Variants in GRIP1 observed in about 807,000 individuals in gnomAD.
GRIP1 encodes the protein glutamate receptor interacting protein 1.
GRIP1 carries 45 observed loss-of-function variants against 129.9 expected under a neutral mutation model. The ratio of observed to expected loss-of-function variants is 0.35; its 90% CI spans 0.27 to 0.44. GRIP1 has a LOEUF of 0.44. GRIP1 is among the 20% of genes least tolerant of loss of function. The pLI is 1.00. For synonymous variants in GRIP1, 530 were observed against 520.8 expected (o/e 1.02, Z -0.24); for missense variants, 1,196 against 1,396.8 (o/e 0.86, Z 2.29).
intron 1 of GRIP1, among the ~76,000 whole-genome samples, chr12:66,790,476 T>C (rs2038495642): frequency 6.6e-6 from 1 of 152,128 alleles, no homozygotes. Flanking sequence ...GTCTACAGTT[T>C]GGTGTGAAAT....
intron 7 of GRIP1, among the ~76,000 whole-genome samples, chr12:66,493,991 T>C (rs894090622): frequency 6.6e-6 from 1 of 152,140 alleles, no homozygotes; most frequent in African/African-American, 2.4e-5. Context: ...TCTGGGTATA[T>C]GTAAAAAAAG....
At chr12:66,673,758 GA>G (rs1033171323) in intron 1 of GRIP1, among the ~76,000 whole-genome samples, 121 of 152,266 alleles carry the variant, frequency 7.9e-4, no homozygotes, top group African/African-American at 2.5e-3. Flanking sequence ...ACTTGCGCGA[GA>G]ACAAGACCTG....
intron 1 of GRIP1, among the ~76,000 whole-genome samples, chr12:66,603,809 CCT>C (rs1366748139): frequency 2.0e-5 from 3 of 152,136 alleles, no homozygotes; most frequent in Non-Finnish European, 4.4e-5. Flanking sequence ...CCATTTTAAA[CCT>C]CTCAACAATC....
At chr12:66,482,043 C>T (rs1194706674) in intron 7 of GRIP1, among the ~76,000 whole-genome samples, 1 of 152,020 alleles carries the variant, frequency 6.6e-6, no homozygotes, top group African/African-American at 2.4e-5. Context: ...CATGTGTATA[C>T]CTATGTAACA....
intron 1 of GRIP1, among the ~76,000 whole-genome samples, chr12:66,980,721 C>T (rs1639103285): frequency 6.6e-6 from 1 of 152,144 alleles, no homozygotes; most frequent in South Asian, 2.1e-4. Flanking sequence ...ACTAACTTGG[C>T]CAAGCATCAG....
intron 1 of GRIP1, among the ~76,000 whole-genome samples, chr12:66,990,334 A>G (rs1477110340): frequency 6.6e-6 from 1 of 152,242 alleles, no homozygotes; most frequent in Non-Finnish European, 1.5e-5. Flanking sequence ...TCATTTATCC[A>G]GTTATTCAAG....
At chr12:66,998,846 C>G (rs1267426331) in intron 1 of GRIP1, among the ~76,000 whole-genome samples, 1 of 152,152 alleles carries the variant, frequency 6.6e-6, no homozygotes, top group African/African-American at 2.4e-5. Context: ...ACATCTTCCT[C>G]TTTACTGAAT....
At chr12:66,736,917 AT>A (rs3051135) in intron 1 of GRIP1, among the ~76,000 whole-genome samples, 57,956 of 140,072 alleles carry the variant, frequency 0.41, 11,101 homozygotes, top group Admixed American at 0.52. Context: ...TTTGCAAGTC[AT>A]TTTTTTTTTT....
intron 1 of GRIP1, among the ~76,000 whole-genome samples, chr12:66,753,912 G>T (rs1405463309): frequency 6.6e-6 from 1 of 152,174 alleles, no homozygotes. Flanking sequence ...AAAAAGAAAA[G>T]ATTTTTCATG....
At chr12:66,525,734 T>A (rs1271012271) in intron 5 of GRIP1, among the ~76,000 whole-genome samples, 1 of 152,064 alleles carries the variant, frequency 6.6e-6, no homozygotes, top group Admixed American at 6.6e-5. Context: ...AAAGAGGAAG[T>A]CAAATTGTCC....
chr12:66,613,804 G>T (rs191730734), intron 1 of GRIP1, among the ~76,000 whole-genome samples: 2 of 152,174 alleles, frequency 1.3e-5, no homozygotes, highest in East Asian at 3.9e-4. Context: ...TTCGACTTAG[G>T]TTTCTTCTGT....
At chr12:66,697,502 C>T (rs1163124618) in intron 1 of GRIP1, among the ~76,000 whole-genome samples, 5 of 152,086 alleles carry the variant, frequency 3.3e-5, no homozygotes, top group Non-Finnish European at 7.4e-5. Flanking sequence ...GCTAGATAAC[C>T]ATAGGGAAAT....
intron 23 of GRIP1, among the ~76,000 whole-genome samples, chr12:66,360,589 G>A (rs759608728): frequency 6.6e-6 from 1 of 152,202 alleles, no homozygotes; most frequent in East Asian, 1.9e-4. Flanking sequence ...TTGTCAGCAT[G>A]TGCTACAATT....
intron 1 of GRIP1, among the ~76,000 whole-genome samples, chr12:66,859,977 T>C (rs2040083020): frequency 6.6e-6 from 1 of 152,048 alleles, no homozygotes; most frequent in Non-Finnish European, 1.5e-5. Context: ...TTTCCAGGCA[T>C]CCTGATGTAG....
At chr12:66,912,546 GGGAAAAACAAA>G (rs2041047455) in intron 1 of GRIP1, among the ~76,000 whole-genome samples, 2 of 152,074 alleles carry the variant, frequency 1.3e-5, no homozygotes, top group Admixed American at 1.3e-4. Flanking sequence ...TACTTTTTAA[GGGAAAAACAAA>G]TATTTTATTA....
intron 1 of GRIP1, among the ~76,000 whole-genome samples, chr12:66,611,410 G>A (rs1461959344): frequency 1.3e-5 from 2 of 152,110 alleles, no homozygotes; most frequent in African/African-American, 2.4e-5. Flanking sequence ...TAAATTTAGT[G>A]GAGAAAGACC....
chr12:66,962,172 G>A (rs1469772098), intron 1 of GRIP1, among the ~76,000 whole-genome samples: 2 of 152,076 alleles, frequency 1.3e-5, no homozygotes, highest in Admixed American at 6.6e-5. Flanking sequence ...CATAGCCCAA[G>A]CTAACAGTTT....
At chr12:66,748,058 G>A (rs1263192491) in intron 1 of GRIP1, among the ~76,000 whole-genome samples, 2 of 151,838 alleles carry the variant, frequency 1.3e-5, no homozygotes, top group African/African-American at 4.8e-5. Flanking sequence ...TTGCTCTGTT[G>A]CCCAGGCTGG....
intron 1 of GRIP1, among the ~76,000 whole-genome samples, chr12:67,059,599 T>C (rs1433521254): frequency 6.6e-6 from 1 of 152,266 alleles, no homozygotes; most frequent in African/African-American, 2.4e-5. Context: ...TAATGTGTTC[T>C]TAATTGACAA....
Sources: gnomAD v4.1 joint callset for allele counts (sites outside exome capture counted in the v4.1 genomes callset) on GRCh38, gnomAD v4.1.1 for gene constraint, MANE v1.5 for transcripts, NCBI Gene and HGNC (gene_info 2026-07-23, HGNC 2026-07-21) for gene names.